The following UBA3 variants were observed in gnomAD, a reference collection of about 807,000 sequenced individuals.
UBA3 encodes the protein ubiquitin like modifier activating enzyme 3.
In UBA3, 26 loss-of-function variants were observed where a neutral mutation model predicts 73.5. The ratio of observed to expected loss-of-function variants is 0.35; its 90% CI spans 0.26 to 0.49. The LOEUF is 0.49. Ranked by LOEUF, UBA3 falls within the 20% of genes least tolerant of loss-of-function variation. UBA3 has a pLI of 0.98. For synonymous variants in UBA3, 217 were observed against 191.2 expected (o/e 1.13, Z -1.11); for missense variants, 495 against 555.6 (o/e 0.89, Z 1.10).
rs1279599529 is a variant in UBA3, at chr3:69,056,894, A to G, written c.965-79T>C. Reference sequence around the variant, plus strand: ...AAAAGTCAGTTATAAATCAGAACAGATAAATTTACATTGGCTCTTCATTAA... The same window carrying G: ...AAAAGTCAGTTATAAATCAGAACAGGTAAATTTACATTGGCTCTTCATTAA... On this transcript the variant is annotated intron_variant, in intron 12 of 17. Coordinates refer to ENST00000361055, the MANE Select transcript of UBA3 (RefSeq NM_003968.4). 2.8e-6 allele frequency: 4 copies of G among 1,419,110 alleles called. No homozygotes were observed. The South Asian group carries it at 5.0e-5, about 18-fold the overall frequency. 87.9% of individuals were successfully genotyped at this position (1,419,110 alleles called of 1,614,324 possible).
chr3:69,056,064 C>T lies in UBA3; in HGVS notation c.1185-1G>A. The stretch of plus-strand genomic sequence containing the variant: ...TGTGATGGCTGGAGATTTCATTTGC[C>T]TAAAGATTATGATGAGAGAGAAGTA... On this transcript the variant is annotated splice_acceptor_variant, in intron 15 of 17. Coordinates refer to ENST00000361055, the MANE Select transcript of UBA3 (RefSeq NM_003968.4). LOFTEE classifies it high-confidence loss of function. 6.3e-7 allele frequency: 1 copy of T among 1,599,600 alleles called. No homozygotes were observed. The highest frequency in any genetic ancestry group is 8.5e-7 in the Non-Finnish European group (1 of 1,175,838).
chr3:69,065,925 T>G (rs1041865209), intron 6 of UBA3, among the ~76,000 whole-genome samples: 1 of 152,128 alleles, frequency 6.6e-6, no homozygotes, highest in Non-Finnish European at 1.5e-5. Context: ...AAAATATCTC[T>G]TCCTATCTTT....
chr3:69,062,009 T>A, intron 10 of UBA3, 68 bp downstream of exon 10: 1 of 1,429,214 alleles, frequency 7.0e-7, no homozygotes, highest in African/African-American at 1.4e-5. Flanking sequence ...AATGAAATTA[T>A]CCAAAGGAAT....
Position 69,066,228 on chromosome 3 carries a change from A to G in UBA3, c.428+1700T>C, listed in dbSNP as rs982741522. Among the ~76,000 whole-genome samples, 13 of 152,004 alleles carry G rather than the reference A, an allele frequency of 8.6e-5. 1 individual carries two copies. The South Asian group carries it at 2.7e-3, about 32-fold the overall frequency. On this transcript the variant is annotated intron_variant, in intron 6 of 17. Coordinates refer to ENST00000361055, the MANE Select transcript of UBA3 (RefSeq NM_003968.4). ...CTGGAATGCAGTGGCTATTCACAGT[A>G]TGACCACAGCCTACTATAGCTTCAA...
chr3:69,069,668 C>A (rs894959047), intron 5 of UBA3, among the ~76,000 whole-genome samples: 3 of 151,966 alleles, frequency 2.0e-5, no homozygotes, highest in Non-Finnish European at 4.4e-5. Flanking sequence ...TTTTTTGATT[C>A]AAAACTTTTG....
At chr3:69,079,462 G>A (rs1354461403) in intron 2 of UBA3, among the ~76,000 whole-genome samples, 1 of 152,204 alleles carries the variant, frequency 6.6e-6, no homozygotes, top group Non-Finnish European at 1.5e-5. Flanking sequence ...TGCCCAGGCA[G>A]GGAGGGGAGT....
At chr3:69,059,635 G>A (rs12492786) in intron 11 of UBA3, among the ~76,000 whole-genome samples, 106 of 152,232 alleles carry the variant, frequency 7.0e-4, no homozygotes, top group Admixed American at 5.8e-3. Flanking sequence ...GGAACACAAA[G>A]CAGGTCCGTG....
intron 11 of UBA3, among the ~76,000 whole-genome samples, chr3:69,059,122 G>C (rs554860049): frequency 6.6e-6 from 1 of 152,308 alleles, no homozygotes; most frequent in Admixed American, 6.5e-5. Context: ...TGATAGGGGA[G>C]ATAACACAAA....
At position 69,080,123 on chromosome 3, in the gene UBA3, C is replaced by G; in HGVS notation, c.51G>C (p.Leu17=). The change falls in exon 2 of 18, where the codon CTG becomes CTC. Residue 17 remains leucine, a synonymous_variant. Transcript: ENST00000361055. ...PEKKRRRIEE[L]LAEKMAVDGG... Reference sequence around the variant, plus strand: ...CCGGCAGCACTAACTTCTCAGCCAGCAGCTCCTCTATTCTCCTTCTTTTCT... The same window carrying G: ...CCGGCAGCACTAACTTCTCAGCCAGGAGCTCCTCTATTCTCCTTCTTTTCT... 1 of 1,609,356 alleles carries G rather than the reference C, an allele frequency of 6.2e-7. No homozygotes were observed. Among genetic ancestry groups the G allele is most frequent in the Non-Finnish European group, 8.5e-7 (1 of 1,178,846 alleles).
intron 3 of UBA3, among the ~76,000 whole-genome samples, chr3:69,076,953 A>G (rs746666215): frequency 6.6e-6 from 1 of 151,954 alleles, no homozygotes; most frequent in Non-Finnish European, 1.5e-5. Context: ...ACGAAAACAT[A>G]TAAAACTCTT....
chr3:69,073,327 G>C (rs1026989237), intron 4 of UBA3, among the ~76,000 whole-genome samples: 1 of 152,128 alleles, frequency 6.6e-6, no homozygotes, highest in African/African-American at 2.4e-5. Flanking sequence ...TGCAGTCCTT[G>C]AACAAACAGG....
At chr3:69,055,669 A>G in intron 17 of UBA3, 144 bp from the exon 18 acceptor site, 3 of 900,298 alleles carry the variant, frequency 3.3e-6, no homozygotes, top group Non-Finnish European at 5.0e-6. Context: ...TTGATTTCTT[A>G]GAGATTTTAA....
intron 4 of UBA3, among the ~76,000 whole-genome samples, chr3:69,072,407 G>C (rs1166124509): frequency 6.6e-6 from 1 of 152,156 alleles, no homozygotes; most frequent in Non-Finnish European, 1.5e-5. Flanking sequence ...TCAAAGTCCT[G>C]ACTGTTCTCA....
intron 17 of UBA3, 106 bp from the exon 18 acceptor site, chr3:69,055,631 A>T: frequency 1.1e-5 from 10 of 940,864 alleles, no homozygotes; most frequent in Non-Finnish European, 1.6e-5. Context: ...AAACATCAAA[A>T]TCCAATCCTC....
chr3:69,060,220 T>C (rs1028450466), intron 11 of UBA3, among the ~76,000 whole-genome samples: 3 of 151,200 alleles, frequency 2.0e-5, no homozygotes, highest in African/African-American at 7.3e-5. Flanking sequence ...AGAATACATA[T>C]AAAGAGAGAA....
At chr3:69,062,388 C>T (rs967954662) in intron 9 of UBA3, among the ~76,000 whole-genome samples, 2 of 152,178 alleles carry the variant, frequency 1.3e-5, no homozygotes, top group African/African-American at 2.4e-5. Context: ...GTTTGCCCTA[C>T]ATTTACAAGG....
At chr3:69,079,079 A>C (rs2092195813) in intron 2 of UBA3, among the ~76,000 whole-genome samples, 1 of 152,220 alleles carries the variant, frequency 6.6e-6, no homozygotes. Flanking sequence ...AATAAAAACC[A>C]TACGTTTTGA....
intron 2 of UBA3, 136 bp downstream of exon 2, chr3:69,079,976 G>T: frequency 1.3e-6 from 1 of 758,814 alleles, no homozygotes; most frequent in Non-Finnish European, 2.1e-6. Context: ...CGGGGATCAG[G>T]GGATGAGGCA....
chr3:69,070,117 C>T (rs1373019788), intron 5 of UBA3, among the ~76,000 whole-genome samples: 1 of 152,126 alleles, frequency 6.6e-6, no homozygotes, highest in African/African-American at 2.4e-5. Context: ...CCATTTTAGC[C>T]ACAAATTAAA....
Sources: allele counts gnomAD v4.1 joint callset (sites outside exome capture counted in the v4.1 genomes callset), GRCh38; gene constraint gnomAD v4.1.1; transcripts MANE v1.5; gene names NCBI Gene and HGNC (gene_info 2026-07-23, HGNC 2026-07-21).